RBFOX1: variants seen among roughly 807,000 people sequenced by gnomAD.
The protein encoded by RBFOX1 is RNA binding fox-1 homolog 1, also known as RNA binding protein fox-1 homolog 1.
Under a neutral mutation model 57.7 loss-of-function variants are expected in RBFOX1, and 8 were observed. The ratio of observed to expected loss-of-function variants is 0.14; its 90% CI spans 0.08 to 0.25. The LOEUF (loss-of-function observed/expected upper bound fraction) is 0.25. RBFOX1 is among the 10% of genes least tolerant of loss of function. The probability of loss-of-function intolerance (pLI) is 1.00; values close to 1 mark genes in which losing one functional copy is unlikely to be tolerated. For missense variants in RBFOX1, 611 were observed against 548.5 expected (o/e 1.11, Z -1.14); for synonymous variants, 326 against 222.4 (o/e 1.47, Z -4.15).
intron 3 of RBFOX1, among the ~76,000 whole-genome samples, chr16:5,819,719 C>A (rs1479979048): frequency 6.6e-6 from 1 of 152,214 alleles, no homozygotes; most frequent in Admixed American, 6.5e-5. Context: ...CTGCCATGCC[C>A]ACCAGGTGAA....
chr16:6,580,227 G>A (rs1320698410), intron 2 of RBFOX1, among the ~76,000 whole-genome samples: 1 of 152,176 alleles, frequency 6.6e-6, no homozygotes, highest in Admixed American at 6.5e-5. Flanking sequence ...AAAGTGCTGG[G>A]ATTACAGGCA....
At chr16:6,636,994 G>A (rs989819501) in intron 2 of RBFOX1, among the ~76,000 whole-genome samples, 7 of 122,826 alleles carry the variant, frequency 5.7e-5, no homozygotes, top group Non-Finnish European at 3.2e-5. Context: ...GTATCATTAT[G>A]TATAAAATAT....
At chr16:6,037,262 C>T (rs1023530217) in intron 1 of RBFOX1, 1 of 151,988 alleles carries the variant, frequency 6.6e-6, no homozygotes, top group Admixed American at 6.6e-5. Context: ...GAATTGAGTC[C>T]CGCTTAACAA....
intron 10 of RBFOX1, among the ~76,000 whole-genome samples, chr16:7,610,838 G>C (rs2057340383): frequency 6.6e-6 from 1 of 152,140 alleles, no homozygotes; most frequent in South Asian, 2.1e-4. Flanking sequence ...TCCATATCCA[G>C]GTATAATTAT....
intron 4 of RBFOX1, among the ~76,000 whole-genome samples, chr16:7,238,391 C>A (rs573970067): frequency 6.6e-6 from 1 of 152,284 alleles, no homozygotes; most frequent in African/African-American, 2.4e-5. Flanking sequence ...TTCTGCACAT[C>A]TGCCAGCTGC....
At chr16:7,413,453 T>C (rs1300395783) in intron 4 of RBFOX1, among the ~76,000 whole-genome samples, 8 of 151,930 alleles carry the variant, frequency 5.3e-5, no homozygotes, top group African/African-American at 1.9e-4. Flanking sequence ...CCCAGAAACT[T>C]TGCATTTCTC....
chr16:6,645,649 C>T (rs998057260), intron 2 of RBFOX1, among the ~76,000 whole-genome samples: 5 of 152,084 alleles, frequency 3.3e-5, no homozygotes, highest in Non-Finnish European at 7.4e-5. Context: ...AACCTAGAGG[C>T]CTTGGAAGAG....
intron 3 of RBFOX1, among the ~76,000 whole-genome samples, chr16:6,895,281 C>T (rs1045702145): frequency 6.6e-6 from 1 of 150,934 alleles, no homozygotes; most frequent in African/African-American, 2.4e-5. Flanking sequence ...TCCCAGAATC[C>T]CCTGGATAGC....
intron 4 of RBFOX1, among the ~76,000 whole-genome samples, chr16:5,885,955 G>A (rs2151925875): frequency 6.6e-6 from 1 of 152,258 alleles, no homozygotes; most frequent in Non-Finnish European, 1.5e-5. Flanking sequence ...TGGGTTATGT[G>A]GGTGGATTTC....
intron 1 of RBFOX1, among the ~76,000 whole-genome samples, chr16:6,092,027 C>T (rs898834326): frequency 6.6e-6 from 1 of 152,170 alleles, no homozygotes; most frequent in East Asian, 1.9e-4. Flanking sequence ...GTTCACACAT[C>T]CACCTATCCA....
At chr16:6,174,103 A>C (rs958569645) in intron 1 of RBFOX1, among the ~76,000 whole-genome samples, 27 of 152,144 alleles carry the variant, frequency 1.8e-4, no homozygotes, top group African/African-American at 6.3e-4. Flanking sequence ...GAGGCAACTT[A>C]ACAGGTTACT....
intron 2 of RBFOX1, among the ~76,000 whole-genome samples, chr16:6,386,572 A>G (rs1360704037): frequency 1.3e-5 from 2 of 152,196 alleles, no homozygotes; most frequent in Non-Finnish European, 2.9e-5. Flanking sequence ...CAACCAATAA[A>G]TGGAAAAATA....
chr16:7,080,786 C>A (rs774030368), intron 4 of RBFOX1, among the ~76,000 whole-genome samples: 1 of 152,140 alleles, frequency 6.6e-6, no homozygotes, highest in Non-Finnish European at 1.5e-5. Context: ...TCATTCATTG[C>A]GTGGAAGACC....
At chr16:6,855,851 C>G (rs2057778216) in intron 3 of RBFOX1, among the ~76,000 whole-genome samples, 2 of 150,550 alleles carry the variant, frequency 1.3e-5, no homozygotes, top group Non-Finnish European at 3.0e-5. Context: ...CCCTCTTTCC[C>G]TCCCTTCCTT....
chr16:7,476,743 A>G (rs1277554590), intron 4 of RBFOX1, among the ~76,000 whole-genome samples: 1 of 152,172 alleles, frequency 6.6e-6, no homozygotes. Flanking sequence ...ATCCTTGCAA[A>G]TCTGTACCAC....
intron 4 of RBFOX1, among the ~76,000 whole-genome samples, chr16:7,158,211 C>G (rs976063398): frequency 6.6e-6 from 1 of 151,934 alleles, no homozygotes; most frequent in South Asian, 2.1e-4. Context: ...CCGAGCGTGC[C>G]GGTGGGCTCC....
At chr16:6,245,605 A>G (rs2097564897) in intron 1 of RBFOX1, among the ~76,000 whole-genome samples, 1 of 152,144 alleles carries the variant, frequency 6.6e-6, no homozygotes, top group Admixed American at 6.5e-5. Flanking sequence ...TAATAATACA[A>G]ATAACCTTCT....
rs769892784 is a variant in RBFOX1 at position 6,019,939 on chromosome 16, T to C, written c.-180T>C. On this transcript the variant is annotated 5_prime_UTR_variant, in exon 1 of 16. Coordinates refer to ENST00000550418, the MANE Select transcript of RBFOX1 (RefSeq NM_018723.4). This position sits in a 1 kb window ranked among gnomAD's most constrained non-coding sequence, Gnocchi z 4.2. ...GGGGGTGCAGAGAGCGCACGGGAAT[T>C]CGGGGGTCTGGGGCCGAGAACGTGA... The C allele has an allele frequency of 1.7e-5, 26 of 1,534,246 alleles. 1 individual carries two copies. The South Asian group carries it at 3.0e-4, about 18-fold the overall frequency.
intron 3 of RBFOX1, among the ~76,000 whole-genome samples, chr16:7,017,326 C>T (rs1463067747): frequency 1.3e-5 from 2 of 152,142 alleles, no homozygotes; most frequent in East Asian, 1.9e-4. Flanking sequence ...AGATCCAGCA[C>T]CTTTCTATCT....
Sources: gnomAD v4.1 joint callset for allele counts (sites outside exome capture counted in the v4.1 genomes callset) on GRCh38, gnomAD v4.1.1 for gene constraint, Gnocchi (gnomAD v3.1) non-coding constraint, MANE v1.5 for transcripts, NCBI Gene and HGNC (gene_info 2026-07-23, HGNC 2026-07-21) for gene names.